PARD3B: variants seen among roughly 807,000 people sequenced by gnomAD.
PARD3B encodes partitioning defective 3 homolog B.
In PARD3B, 103 loss-of-function variants were observed where a neutral mutation model predicts 130.2. The ratio of observed to expected loss-of-function variants is 0.79; its 90% CI spans 0.67 to 0.93. PARD3B has a LOEUF of 0.93. PARD3B is among the 40% of genes least tolerant of loss of function. PARD3B has a pLI of 0.00. For synonymous variants in PARD3B, 583 were observed against 553.2 expected (o/e 1.05, Z -0.76); for missense variants, 1,609 against 1,499.2 (o/e 1.07, Z -1.21).
intron 2 of PARD3B, among the ~76,000 whole-genome samples, chr2:204,701,444 T>C (rs1170423915): frequency 6.6e-6 from 1 of 152,194 alleles, no homozygotes; most frequent in African/African-American, 2.4e-5. Flanking sequence ...TTCTGGTGTT[T>C]GGAAGAAAAA....
rs752756166 is a variant in PARD3B, at chr2:205,421,144, AC to A, written c.2742-19225del. Among the ~76,000 whole-genome samples the A allele has an allele frequency of 2.4e-4, 37 of 152,028 alleles. No homozygotes were observed. Among genetic ancestry groups the A allele is most frequent in the African/African-American group, 4.1e-4 (17 of 41,372 alleles). On this transcript the variant is annotated intron_variant, in intron 19 of 22. Transcript: ENST00000406610. The surrounding 1 kb of genome is among the most constrained non-coding windows in gnomAD (Gnocchi z 5.1). ...GACTCCATCTCAAAAAACAAAAAAA[AC>A]AAAACAAAAAAAACGGAAAAGAAAA...
chr2:205,185,834 G>A lies in PARD3B; in HGVS notation c.1995G>A (p.Leu665=), dbSNP rs267599167. The change falls in exon 14 of 23, where the codon CTG becomes CTA. Residue 665 remains leucine (L), a synonymous_variant. Transcript: ENST00000406610. ...CTTCTCCAACACCACATTCTGCTCT[G>A]GGATTGGGCCTCGAAGATTACAGCC... ...VPPSPTPHSA[L]GLGLEDYSHS... 2.5e-6 allele frequency: 4 copies of A among 1,613,874 alleles called. No individual in the cohort carries two copies. Among genetic ancestry groups the A allele is most frequent in the South Asian group, 1.1e-5 (1 of 91,084 alleles).
chr2:204,779,314 G>T (rs566636752), intron 2 of PARD3B, among the ~76,000 whole-genome samples: 1 of 152,288 alleles, frequency 6.6e-6, no homozygotes, highest in Non-Finnish European at 1.5e-5. Context: ...CCTCAGTGCA[G>T]TGTCTAATAC....
At chr2:204,728,640 T>A (rs1400485338) in intron 2 of PARD3B, among the ~76,000 whole-genome samples, 1 of 152,166 alleles carries the variant, frequency 6.6e-6, no homozygotes, top group Non-Finnish European at 1.5e-5. Context: ...TCCTGAAGAT[T>A]CTAGTTAGGT....
chr2:204,932,322 A>G (rs1688091283), intron 2 of PARD3B, among the ~76,000 whole-genome samples: 1 of 152,088 alleles, frequency 6.6e-6, no homozygotes, highest in Admixed American at 6.6e-5. Flanking sequence ...CATCTGTAAA[A>G]TGAGCTTAAT....
At chr2:205,483,030 A>G (rs2049304154) in intron 20 of PARD3B, among the ~76,000 whole-genome samples, 1 of 152,122 alleles carries the variant, frequency 6.6e-6, no homozygotes, top group African/African-American at 2.4e-5. Flanking sequence ...AATAATGATT[A>G]CATGCTGCTT....
In PARD3B at chr2:204,847,170, CTT is replaced by C. The variant is rs528059401; in HGVS notation, c.223-117969_223-117968del. 4.0e-3 allele frequency among the ~76,000 whole-genome samples: 549 copies of C among 135,620 alleles called. 6 individuals carry two copies. The highest frequency in any genetic ancestry group is 0.014 in the African/African-American group (476 of 34,642). The allele number at this position is 135,620 out of a possible 152,430, so 89.0% of individuals were successfully genotyped here. On this transcript the variant is annotated intron_variant, in intron 2 of 22. Coordinates refer to ENST00000406610, the MANE Select transcript of PARD3B (RefSeq NM_001302769.2). ...CAGCTATTTTTCTGTAACTTTCTTT[CTT>C]TTTTTTTTTTTTGCTAAGCATTGTT...
intron 1 of PARD3B, among the ~76,000 whole-genome samples, chr2:204,563,243 CTCTCTCTCTCTCTCTCTCTCTCTT>C (rs2031451486): frequency 6.7e-6 from 1 of 148,736 alleles, no homozygotes; most frequent in Non-Finnish European, 1.5e-5. Context: ...CTCTCTCTCT[CTCTCTCTCTCTCTCTCTCTCTCTT>C]TCTCTCTTCT....
intron 21 of PARD3B, among the ~76,000 whole-genome samples, chr2:205,540,574 C>T (rs905382638): frequency 5.9e-5 from 9 of 152,108 alleles, no homozygotes; most frequent in African/African-American, 2.2e-4. Flanking sequence ...AAATTCTACC[C>T]AGGGTTGCAG....
intron 18 of PARD3B, among the ~76,000 whole-genome samples, chr2:205,342,738 G>T (rs987249778): frequency 1.3e-5 from 2 of 152,082 alleles, no homozygotes; most frequent in Non-Finnish European, 2.9e-5. Flanking sequence ...CCTGAAAAAC[G>T]TGTCCTAAAA....
At chr2:204,676,428 C>A (rs115751591) in intron 1 of PARD3B, among the ~76,000 whole-genome samples, 1 of 151,718 alleles carries the variant, frequency 6.6e-6, no homozygotes, top group East Asian at 1.9e-4. Context: ...GCAGAATTGC[C>A]GAATCTATTA....
chr2:204,739,886 A>G (rs2039924365), intron 2 of PARD3B, among the ~76,000 whole-genome samples: 1 of 151,928 alleles, frequency 6.6e-6, no homozygotes, highest in Admixed American at 6.6e-5. Flanking sequence ...TCTCAGCTTT[A>G]TTTTGTAATC....
Position 205,027,846 on chromosome 2 carries a change from G to T in PARD3B, c.395-19735G>T, listed in dbSNP as rs146866578. 3.3e-3 allele frequency among the ~76,000 whole-genome samples: 509 copies of T among 152,080 alleles called. 3 individuals are homozygous for T. Among genetic ancestry groups the T allele is most frequent in the African/African-American group, 0.011 (476 of 41,514 alleles). On this transcript the variant is annotated intron_variant, in intron 3 of 22. Transcript: ENST00000406610. ...ATCCTTTCCCCATTTTGCATTCTTGGCACTCTTGTCAAAGATTAGTTGACC... is the reference window on the plus strand; with the variant it reads ...ATCCTTTCCCCATTTTGCATTCTTGTCACTCTTGTCAAAGATTAGTTGACC...
intron 2 of PARD3B, among the ~76,000 whole-genome samples, chr2:204,905,797 C>T (rs888913582): frequency 6.6e-6 from 1 of 152,112 alleles, no homozygotes; most frequent in Non-Finnish European, 1.5e-5. Flanking sequence ...GGAATGAAGC[C>T]AACATACCAC....
chr2:205,235,914 A>G (rs2039041770), intron 15 of PARD3B, among the ~76,000 whole-genome samples: 1 of 152,224 alleles, frequency 6.6e-6, no homozygotes, highest in Non-Finnish European at 1.5e-5. Context: ...TGGTAAAGTC[A>G]TAGAAACCAA....
chr2:205,612,514 A>G (rs1000584796), intron 22 of PARD3B, among the ~76,000 whole-genome samples: 13 of 152,198 alleles, frequency 8.5e-5, no homozygotes, highest in African/African-American at 3.1e-4. Flanking sequence ...TGTTCTGACA[A>G]AAGTCTGTAG....
chr2:205,574,388 G>A (rs2053667139), intron 22 of PARD3B, among the ~76,000 whole-genome samples: 2 of 152,118 alleles, frequency 1.3e-5, no homozygotes, highest in African/African-American at 4.8e-5. Flanking sequence ...CAGGTAGATG[G>A]CCATGAACTA....
chr2:204,785,885 A>G (rs2041991052), intron 2 of PARD3B, among the ~76,000 whole-genome samples: 1 of 152,076 alleles, frequency 6.6e-6, no homozygotes, highest in Admixed American at 6.6e-5. Context: ...AGGCCAAGGC[A>G]GGAGAATCAT....
chr2:205,150,684 A>G (rs1156783799), intron 10 of PARD3B, among the ~76,000 whole-genome samples: 1 of 152,188 alleles, frequency 6.6e-6, no homozygotes, highest in Non-Finnish European at 1.5e-5. Flanking sequence ...TGGAGAATGT[A>G]AATGGCATAG....
Sources: allele counts gnomAD v4.1 joint callset (sites outside exome capture counted in the v4.1 genomes callset), GRCh38; gene constraint gnomAD v4.1.1; non-coding constraint Gnocchi (gnomAD v3.1); transcripts MANE v1.5; gene names NCBI Gene and HGNC (gene_info 2026-07-23, HGNC 2026-07-21).